The following DLGAP2 variants were observed in gnomAD, a reference collection of about 807,000 sequenced individuals.
DLGAP2 encodes DLG associated protein 2, also known as disks large-associated protein 2.
A neutral mutation model predicts 100.3 loss-of-function variants in DLGAP2; 26 were observed. That is an observed-to-expected ratio of 0.26 (90% CI 0.19 to 0.36). The LOEUF (loss-of-function observed/expected upper bound fraction) is 0.36. Ranked by LOEUF, DLGAP2 falls within the 10% of genes least tolerant of loss-of-function variation. DLGAP2 has a pLI of 1.00. For missense variants in DLGAP2, 1,858 were observed against 1,453.2 expected, an observed-to-expected ratio of 1.28 and a Z score of -4.53; for synonymous variants, 886 against 630.1, an observed-to-expected ratio of 1.41 and a Z score of -6.08.
In DLGAP2 at chr8:1,140,899, G is replaced by A. The variant is rs79086016; in HGVS notation, c.74-117952G>A. Among the ~76,000 whole-genome samples, 590 of 152,302 alleles carry A rather than the reference G, an allele frequency of 3.9e-3. 3 individuals are homozygous for A. The highest frequency in any genetic ancestry group is 0.01 in the Middle Eastern group (3 of 294). On this transcript the variant is annotated intron_variant, in intron 2 of 14. Transcript: ENST00000637795. ...AGGCAGGAGAATCGGCAGAAAAATCGCTTGAACCGGGGGGTGGAGGTTGCA... is the reference window on the plus strand; with the variant it reads ...AGGCAGGAGAATCGGCAGAAAAATCACTTGAACCGGGGGGTGGAGGTTGCA...
intron 2 of DLGAP2, among the ~76,000 whole-genome samples, chr8:932,768 C>A (rs1489044792): frequency 6.6e-6 from 1 of 152,050 alleles, no homozygotes; most frequent in African/African-American, 2.4e-5. Flanking sequence ...ATTCCCTGTA[C>A]TGCTTTTGTA....
chr8:1,080,618 G>A (rs1402654838), intron 2 of DLGAP2, among the ~76,000 whole-genome samples: 1 of 152,156 alleles, frequency 6.6e-6, no homozygotes, highest in Admixed American at 6.5e-5. Flanking sequence ...GACTCATCAG[G>A]CGGAACAGGG....
chr8:801,069 C>T (rs564641968), intron 1 of DLGAP2, among the ~76,000 whole-genome samples: 2 of 3,996 alleles, frequency 5.0e-4, no homozygotes, highest in South Asian at 0.02. Flanking sequence ...TCACCAGATC[C>T]GTGGTCTTCT....
chr8:840,344 C>T (rs140823935), intron 1 of DLGAP2, among the ~76,000 whole-genome samples: 4 of 106,380 alleles, frequency 3.8e-5, no homozygotes, highest in African/African-American at 1.6e-4. Flanking sequence ...TTGGATTCTG[C>T]GAGCGCGTCT....
intron 2 of DLGAP2, among the ~76,000 whole-genome samples, chr8:1,235,266 C>T: frequency 6.8e-6 from 1 of 147,532 alleles, no homozygotes; most frequent in East Asian, 2.0e-4. Flanking sequence ...GTGTCTAGTT[C>T]TCTCTCACAT....
intron 6 of DLGAP2, among the ~76,000 whole-genome samples, chr8:1,594,887 A>C (rs1005725312): frequency 6.6e-6 from 1 of 152,056 alleles, no homozygotes; most frequent in Non-Finnish European, 1.5e-5. Context: ...GGCACAGCCA[A>C]TTCTGTCCCA....
At chr8:1,102,076 A>G (rs564132794) in intron 2 of DLGAP2, among the ~76,000 whole-genome samples, 277 of 152,048 alleles carry the variant, frequency 1.8e-3, no homozygotes, top group African/African-American at 6.4e-3. Context: ...TCAGATAAAG[A>G]GAAGAACTCA....
intron 2 of DLGAP2, among the ~76,000 whole-genome samples, chr8:1,133,329 G>C (rs1246943626): frequency 2.0e-5 from 3 of 152,104 alleles, no homozygotes; most frequent in African/African-American, 7.2e-5. Flanking sequence ...AGAAGATTAT[G>C]ATTAGAAAAT....
intron 1 of DLGAP2, among the ~76,000 whole-genome samples, chr8:760,707 G>T (rs1248668441): frequency 2.0e-5 from 3 of 152,172 alleles, no homozygotes; most frequent in Non-Finnish European, 2.9e-5. Context: ...ACAAAGGTGT[G>T]CATGGGTGTC....
Position 1,678,202 on chromosome 8 carries a change from C to A in DLGAP2, c.2289-12C>A, listed in dbSNP as rs1263289868. On this transcript the variant is annotated splice_polypyrimidine_tract_variant and intron_variant, in intron 11 of 14. Transcript: ENST00000637795. ...AAGGGCTACCATCTGTCTTCCTTCC[C>A]TCCTTTTGCAGACACGGACGTTTTA... is the stretch of plus-strand genomic sequence containing the variant. The A allele has an allele frequency of 6.3e-7, 1 of 1,598,080 alleles. No homozygotes were observed. Among genetic ancestry groups the A allele is most frequent in the East Asian group, 2.2e-5 (1 of 44,654 alleles).
intron 2 of DLGAP2, chr8:1,137,321 A>T (rs975489487): frequency 6.6e-6 from 1 of 152,618 alleles, no homozygotes; most frequent in African/African-American, 2.4e-5. Context: ...CTATAGTCCT[A>T]TTGGACTGGT....
At chr8:1,682,013 G>C (rs1016432449) in intron 12 of DLGAP2, among the ~76,000 whole-genome samples, 2 of 152,164 alleles carry the variant, frequency 1.3e-5, no homozygotes, top group Non-Finnish European at 2.9e-5. Context: ...TTCCACCCAC[G>C]GTCCAAAGGC....
chr8:926,615 C>T (rs1798821796), intron 2 of DLGAP2, among the ~76,000 whole-genome samples: 1 of 152,234 alleles, frequency 6.6e-6, no homozygotes, highest in Non-Finnish European at 1.5e-5. Context: ...CCGGGTGGCA[C>T]AGGGAGCTGC....
intron 5 of DLGAP2, among the ~76,000 whole-genome samples, chr8:1,563,879 G>C (rs759622622): frequency 6.6e-6 from 1 of 152,162 alleles, no homozygotes; most frequent in African/African-American, 2.4e-5. Context: ...AAAGATGGCA[G>C]GTTCCTTTTC....
intron 1 of DLGAP2, among the ~76,000 whole-genome samples, chr8:861,249 C>T (rs970930604): frequency 1.3e-5 from 2 of 152,122 alleles, no homozygotes; most frequent in African/African-American, 2.4e-5. Context: ...CTAGCTATCA[C>T]GGGAGCTAGG....
rs181851133 is a variant in DLGAP2 at position 1,430,027 on chromosome 8, T to C, written c.107-71339T>C. On this transcript the variant is annotated intron_variant, in intron 3 of 14. Transcript: ENST00000637795. Reference sequence around the variant, plus strand: ...ATATACATATATATATATATATATATACACACACACACATATGAACTTAGA... The same window carrying C: ...ATATACATATATATATATATATATACACACACACACACATATGAACTTAGA... Among the ~76,000 whole-genome samples, 184 of 76,844 alleles carry C rather than the reference T, an allele frequency of 2.4e-3. 10 individuals are homozygous for C. Among genetic ancestry groups the C allele is most frequent in the South Asian group, 3.2e-3 (6 of 1,892 alleles). 50.4% of individuals were successfully genotyped at this position (76,844 alleles called of 152,430 possible). A position where few individuals can be genotyped will look rare whatever the true frequency, so the allele number is the denominator to read the frequency against.
chr8:1,524,075 G>C (rs1310898087), intron 4 of DLGAP2, among the ~76,000 whole-genome samples: 1 of 152,214 alleles, frequency 6.6e-6, no homozygotes, highest in East Asian at 1.9e-4. Context: ...CCGTGTAAGA[G>C]TTCAGCGGTG....
intron 2 of DLGAP2, among the ~76,000 whole-genome samples, chr8:1,036,322 C>G (rs568032519): frequency 6.6e-6 from 1 of 152,376 alleles, no homozygotes; most frequent in South Asian, 2.1e-4. Flanking sequence ...TGCCACAGCA[C>G]CCCATCTGCT....
At chr8:1,222,320 C>T (rs1798330891) in intron 2 of DLGAP2, among the ~76,000 whole-genome samples, 1 of 152,142 alleles carries the variant, frequency 6.6e-6, no homozygotes, top group East Asian at 1.9e-4. Flanking sequence ...TCAGTCAGTT[C>T]ACTTTATTTC....
Sources: gnomAD v4.1 joint callset for allele counts (sites outside exome capture counted in the v4.1 genomes callset) on GRCh38, gnomAD v4.1.1 for gene constraint, MANE v1.5 for transcripts, NCBI Gene and HGNC (gene_info 2026-07-23, HGNC 2026-07-21) for gene names.